The following WDFY4 variants were observed in gnomAD, a reference collection of about 807,000 sequenced individuals.
The protein encoded by WDFY4 is WD repeat- and FYVE domain-containing protein 4.
A neutral mutation model predicts 351.9 loss-of-function variants in WDFY4; 169 were observed. The ratio of observed to expected loss-of-function variants is 0.48; its 90% CI spans 0.42 to 0.55. WDFY4 has a LOEUF of 0.55. Ranked by LOEUF, WDFY4 falls within the 20% of genes least tolerant of loss-of-function variation. The pLI, the probability that WDFY4 is intolerant of heterozygous loss-of-function variation, is 0.00. For missense variants in WDFY4, 3,803 were observed against 3,935.6 expected, an observed-to-expected ratio of 0.97 and a Z score of 0.90; for synonymous variants, 1,622 against 1,574.6, an observed-to-expected ratio of 1.03 and a Z score of -0.71.
In WDFY4 at chr10:48,976,906, G is replaced by T. The variant is rs960264193; in HGVS notation, c.9218G>T (p.Cys3073Phe). The T allele has an allele frequency of 2.0e-6, 3 of 1,538,410 alleles. No homozygotes were observed. The African/African-American group carries it at 4.1e-5, about 21-fold the overall frequency. ...GGCCCAGAAGGAGCCATAACCTGCT[G>T]CTGCCTGATGGAGGGCCCAGCATGG... ...AWGPEGAITC[C>F]CLMEGPAWDT... Residue 3073 changes from cysteine (C) to phenylalanine (F), a missense_variant, in exon 59 of 62, where the codon TGC becomes TTC. Physicochemically the swap from Cys to Phe is radical, Grantham distance 205 (BLOSUM62 -2). Coordinates refer to ENST00000325239, the MANE Select transcript of WDFY4 (RefSeq NM_001394531.1).
rs140199843 is a variant in WDFY4 at position 48,874,276 on chromosome 10, C to T, written c.6948+579C>T. 5.9e-3 allele frequency among the ~76,000 whole-genome samples: 894 copies of T among 152,266 alleles called. 6 individuals are homozygous for T. Among genetic ancestry groups the T allele is most frequent in the Admixed American group, 0.013 (202 of 15,298 alleles). On this transcript the variant is annotated intron_variant, in intron 41 of 61. Transcript: ENST00000325239. ...TGCTCTAATGAAGCTTGAACTGTGT[C>T]GCAAACTCTTATTTTGCCTTTTAAA...
chr10:48,696,551 G>C (rs1024871733), intron 1 of WDFY4, among the ~76,000 whole-genome samples: 25 of 152,368 alleles, frequency 1.6e-4, no homozygotes, highest in African/African-American at 5.8e-4. Flanking sequence ...CAACAAACCA[G>C]CTCCTTGTGA....
intron 14 of WDFY4, 113 bp from the exon 15 acceptor site, chr10:48,775,599 G>A: frequency 1.0e-6 from 1 of 970,630 alleles, no homozygotes; most frequent in Non-Finnish European, 1.6e-6. Context: ...GTGTTCCAGT[G>A]GGGCTGGGAG....
intron 51 of WDFY4, among the ~76,000 whole-genome samples, 156 bp from the exon 52 acceptor site, chr10:48,956,973 G>A (rs972030775): frequency 3.3e-5 from 5 of 152,198 alleles, no homozygotes; most frequent in Non-Finnish European, 5.9e-5. Context: ...GAGAACCACG[G>A]CACACACATC....
At position 48,709,765 on chromosome 10, in the gene WDFY4, C is replaced by T. The variant is rs1295170433; in HGVS notation, c.33C>T (p.Asp11=). The T allele has an allele frequency of 1.3e-6, 2 of 1,551,870 alleles. No individual in the cohort carries two copies. The highest frequency in any genetic ancestry group is 2.4e-5 in the East Asian group (1 of 40,936). The part of the protein sequence containing the change: MEAEDLSKAE[D]RNEDPGSKNE... ...CAGAAGATCTTTCAAAGGCTGAAGA[C>T]AGAAATGAAGACCCAGGTTCCAAAA... Residue 11 remains aspartate, a synonymous_variant, in exon 2 of 62, where the codon GAC becomes GAT. Coordinates refer to ENST00000325239, the MANE Select transcript of WDFY4 (RefSeq NM_001394531.1).
chr10:48,726,020 T>C lies in WDFY4; in HGVS notation c.731T>C (p.Leu244Pro). 4 of 1,551,628 alleles carry C rather than the reference T, an allele frequency of 2.6e-6. No homozygotes were observed. Among genetic ancestry groups the C allele is most frequent in the Non-Finnish European group, 3.5e-6 (4 of 1,146,934 alleles). The part of the protein sequence containing the change: ...CFWKEPTFCV[L>P]RAISKAQNLS... The stretch of plus-strand genomic sequence containing the variant: ...TGGAAGGAACCCACCTTCTGCGTGC[T>C]AAGGGCAATCTCCAAGGCCCAGAAC... Residue 244 changes from leucine to proline, a missense_variant, in exon 6 of 62, where the codon CTA (leucine) becomes CCA (proline). Physicochemically the swap from Leu to Pro is moderately conservative, Grantham distance 98. This residue lies in a region of WDFY4 where 488 missense variants were observed against 456.8 expected (regional missense o/e 1.07). Coordinates refer to ENST00000325239, the MANE Select transcript of WDFY4 (RefSeq NM_001394531.1).
intron 12 of WDFY4, among the ~76,000 whole-genome samples, chr10:48,747,538 CTT>C (rs1336754366): frequency 1.3e-5 from 2 of 152,048 alleles, no homozygotes; most frequent in African/African-American, 4.8e-5. Context: ...TTTTTCATCT[CTT>C]TGTCTCTCTG....
chr10:48,833,639 T>C (rs2068275773), intron 39 of WDFY4, among the ~76,000 whole-genome samples: 1 of 152,214 alleles, frequency 6.6e-6, no homozygotes, highest in South Asian at 2.1e-4. Context: ...GAGGCTCTTT[T>C]GGAAATGCAT....
intron 6 of WDFY4, 58 bp downstream of exon 6, chr10:48,726,128 C>A: frequency 6.7e-7 from 1 of 1,501,630 alleles, no homozygotes; most frequent in Non-Finnish European, 9.0e-7. Context: ...CCCTTGAACT[C>A]AGAGCAAAGG....
At chr10:48,914,706 C>T (rs953444951) in intron 47 of WDFY4, among the ~76,000 whole-genome samples, 11 of 152,222 alleles carry the variant, frequency 7.2e-5, no homozygotes, top group Admixed American at 6.5e-4. Context: ...CTAAGACCAA[C>T]TTCTCACATC....
At chr10:48,922,166 T>A (rs895088531) in intron 47 of WDFY4, among the ~76,000 whole-genome samples, 1 of 152,220 alleles carries the variant, frequency 6.6e-6, no homozygotes, top group African/African-American at 2.4e-5. Flanking sequence ...AAATATTAAA[T>A]GGAAAACCCC....
intron 46 of WDFY4, among the ~76,000 whole-genome samples, chr10:48,901,032 G>A (rs1474568535): frequency 1.3e-5 from 2 of 152,146 alleles, no homozygotes; most frequent in African/African-American, 2.4e-5. Context: ...CCTGGCCAAG[G>A]AGCCCATTTT....
chr10:48,769,066 G>A (rs1336698707), intron 13 of WDFY4, among the ~76,000 whole-genome samples: 2 of 152,198 alleles, frequency 1.3e-5, no homozygotes, highest in African/African-American at 4.8e-5. Context: ...CTGTTTACAG[G>A]ACGAATTGCC....
At chr10:48,721,513 T>G (rs2132277447) in intron 4 of WDFY4, 146 bp downstream of exon 4, 1 of 747,674 alleles carries the variant, frequency 1.3e-6, no homozygotes, top group South Asian at 1.7e-5. Flanking sequence ...CCCCTTCTGG[T>G]GTAGAACATG....
At chr10:48,753,243 A>G (rs573491091) in intron 12 of WDFY4, among the ~76,000 whole-genome samples, 1 of 152,212 alleles carries the variant, frequency 6.6e-6, no homozygotes, top group Admixed American at 6.5e-5. Flanking sequence ...AGTTGTATGA[A>G]TTCTTTATAT....
At chr10:48,869,285 T>C (rs930160803) in intron 40 of WDFY4, among the ~76,000 whole-genome samples, 1 of 152,096 alleles carries the variant, frequency 6.6e-6, no homozygotes, top group Non-Finnish European at 1.5e-5. Flanking sequence ...TGAGACAGCT[T>C]CTCCCAGGTG....
chr10:48,959,351 C>T (rs1201862063), intron 52 of WDFY4, among the ~76,000 whole-genome samples: 1 of 152,216 alleles, frequency 6.6e-6, no homozygotes, highest in East Asian at 1.9e-4. Context: ...AATTTGCCAG[C>T]TTGCACCACT....
chr10:48,742,713 A>G (rs1000382355), intron 11 of WDFY4, among the ~76,000 whole-genome samples: 11 of 152,194 alleles, frequency 7.2e-5, no homozygotes, highest in African/African-American at 2.7e-4. Flanking sequence ...GCTTTCTGGA[A>G]GGATATGCAT....
chr10:48,815,735 T>C (rs1215763605), intron 31 of WDFY4, among the ~76,000 whole-genome samples: 1 of 130,590 alleles, frequency 7.7e-6, no homozygotes, highest in East Asian at 2.0e-4. Flanking sequence ...AATCCTATGC[T>C]TTTTTTTTTT....
Sources: gnomAD v4.1 joint callset for allele counts (sites outside exome capture counted in the v4.1 genomes callset) on GRCh38, gnomAD v4.1.1 for gene constraint, gnomAD v4.1.1 regional missense constraint, MANE v1.5 for transcripts, NCBI Gene and HGNC (gene_info 2026-07-23, HGNC 2026-07-21) for gene names.